Variants in STX8 observed in about 807,000 individuals in gnomAD.
STX8 encodes syntaxin-8.
STX8 carries 23 observed loss-of-function variants against 37.5 expected under a neutral mutation model. That is an observed-to-expected ratio of 0.61 (90% CI 0.44 to 0.87). The LOEUF (loss-of-function observed/expected upper bound fraction) is 0.87. Ranked by LOEUF, STX8 falls within the 40% of genes least tolerant of loss-of-function variation. The pLI, the probability that STX8 is intolerant of heterozygous loss-of-function variation, is 0.00. For synonymous variants in STX8, 115 were observed against 99.1 expected, an observed-to-expected ratio of 1.16 and a Z score of -0.95; for missense variants, 313 against 284.7, an observed-to-expected ratio of 1.10 and a Z score of -0.71.
At chr17:9,323,758 C>T (rs963154122) in intron 7 of STX8, among the ~76,000 whole-genome samples, 7 of 152,156 alleles carry the variant, frequency 4.6e-5, no homozygotes, top group Admixed American at 3.3e-4. Context: ...CTGTCCTGAG[C>T]GTCTTGCTGA....
intron 2 of STX8, among the ~76,000 whole-genome samples, chr17:9,561,170 T>G (rs1462128126): frequency 1.3e-5 from 2 of 152,172 alleles, no homozygotes; most frequent in African/African-American, 4.8e-5. Context: ...GTAAAAGGCC[T>G]TTTTAAGCAT....
At chr17:9,351,208 G>A (rs1597619538) in intron 7 of STX8, among the ~76,000 whole-genome samples, 2 of 125,992 alleles carry the variant, frequency 1.6e-5, no homozygotes. Context: ...TTGAGACGGA[G>A]TCTCACACTG....
At chr17:9,518,557 G>C (rs1318781662) in intron 4 of STX8, among the ~76,000 whole-genome samples, 2 of 152,104 alleles carry the variant, frequency 1.3e-5, no homozygotes, top group Non-Finnish European at 2.9e-5. Context: ...TCTGTGCTAG[G>C]GGCTTCAGGC....
intron 6 of STX8, among the ~76,000 whole-genome samples, chr17:9,392,038 C>A (rs1912240849): frequency 2.0e-5 from 3 of 152,202 alleles, no homozygotes; most frequent in South Asian, 4.1e-4. Flanking sequence ...TGGGACAGAC[C>A]CAAACAGTAC....
At chr17:9,289,775 G>A (rs193217824) in intron 7 of STX8, among the ~76,000 whole-genome samples, 35 of 142,958 alleles carry the variant, frequency 2.4e-4, no homozygotes, top group East Asian at 2.0e-3. Context: ...GCAAGACTCC[G>A]TCTCAAAAAA....
intron 7 of STX8, among the ~76,000 whole-genome samples, chr17:9,303,223 G>A (rs1317953436): frequency 3.3e-5 from 5 of 152,084 alleles, no homozygotes; most frequent in African/African-American, 7.2e-5. Context: ...CCCAGGAGGC[G>A]GAGGTTGCAG....
intron 6 of STX8, among the ~76,000 whole-genome samples, chr17:9,418,389 A>G (rs541300493): frequency 6.6e-6 from 1 of 152,268 alleles, no homozygotes; most frequent in African/African-American, 2.4e-5. Flanking sequence ...TGTGGGATAC[A>G]TCCCCATTAG....
rs374854246 is a variant in STX8 at position 9,254,594 on chromosome 17, C to T, written c.644-3949G>A. On this transcript the variant is annotated intron_variant, in intron 7 of 7. Transcript: ENST00000306357. Reference sequence around the variant, plus strand: ...TATTTTTAGTAGAGACAGGGTTTCACCATGTTGGCCAGGCTGGTCTCGAAC... The same window carrying T: ...TATTTTTAGTAGAGACAGGGTTTCATCATGTTGGCCAGGCTGGTCTCGAAC... 2.6e-5 allele frequency among the ~76,000 whole-genome samples: 4 copies of T among 152,216 alleles called. No homozygotes were observed. The East Asian group carries it at 7.7e-4, about 29-fold the overall frequency.
intron 6 of STX8, among the ~76,000 whole-genome samples, chr17:9,396,122 T>G (rs1912393706): frequency 6.6e-6 from 1 of 152,108 alleles, no homozygotes; most frequent in Non-Finnish European, 1.5e-5. Context: ...AAAAGTAACA[T>G]TTTCCATTAT....
At chr17:9,449,774 C>T (rs1201184906) in intron 6 of STX8, among the ~76,000 whole-genome samples, 3 of 151,816 alleles carry the variant, frequency 2.0e-5, no homozygotes, top group Non-Finnish European at 4.4e-5. Flanking sequence ...GGACAGCAAA[C>T]AAATCAGTGA....
Position 9,439,936 on chromosome 17 carries a change from C to T in STX8, c.541+51893G>A, listed in dbSNP as rs193088453. On this transcript the variant is annotated intron_variant, in intron 6 of 7. Coordinates refer to ENST00000306357, the MANE Select transcript of STX8 (RefSeq NM_004853.3). ...ATTCTCACCCCAAAAGTACCCCCGG[C>T]ATATAGGGAAAATAAAAAGACGCAT... Among the ~76,000 whole-genome samples the T allele has an allele frequency of 1.3e-5, 2 of 152,144 alleles. 1 individual carries two copies. The highest frequency in any genetic ancestry group is 4.8e-5 in the African/African-American group (2 of 41,498).
chr17:9,261,528 A>T (rs933555487), intron 7 of STX8, among the ~76,000 whole-genome samples: 6 of 152,196 alleles, frequency 3.9e-5, no homozygotes, highest in Non-Finnish European at 8.8e-5. Context: ...TGCAGATGAT[A>T]GCCGTTCCTT....
At chr17:9,373,732 G>A (rs1911489539) in intron 7 of STX8, among the ~76,000 whole-genome samples, 1 of 152,136 alleles carries the variant, frequency 6.6e-6, no homozygotes, top group South Asian at 2.1e-4. Flanking sequence ...CCGAGGCTGG[G>A]AGTTTGAGAC....
intron 7 of STX8, among the ~76,000 whole-genome samples, chr17:9,306,593 T>TAAAAAA: frequency 3.2e-5 from 1 of 31,560 alleles, no homozygotes; most frequent in African/African-American, 1.6e-4. Flanking sequence ...CTACTAAAAA[T>TAAAAAA]ACAAAAAAAA....
chr17:9,360,451 G>A (rs923160659), intron 7 of STX8, among the ~76,000 whole-genome samples: 2 of 151,532 alleles, frequency 1.3e-5, no homozygotes, highest in African/African-American at 4.8e-5. Flanking sequence ...GGCCAGGCTG[G>A]TCTCGAACTC....
intron 7 of STX8, among the ~76,000 whole-genome samples, chr17:9,260,771 AC>A (rs1906989511): frequency 6.6e-6 from 1 of 152,100 alleles, no homozygotes; most frequent in African/African-American, 2.4e-5. Context: ...CACCCTCCTC[AC>A]CCTGGAAACT....
intron 6 of STX8, among the ~76,000 whole-genome samples, chr17:9,478,188 T>G (rs1040847550): frequency 1.3e-5 from 2 of 152,160 alleles, no homozygotes; most frequent in Non-Finnish European, 2.9e-5. Context: ...CAGGCTGGAG[T>G]GCAGTGGTGC....
At chr17:9,430,812 G>C (rs1034241355) in intron 6 of STX8, among the ~76,000 whole-genome samples, 1 of 151,956 alleles carries the variant, frequency 6.6e-6, no homozygotes, top group Non-Finnish European at 1.5e-5. Flanking sequence ...ACCATGCCTG[G>C]CTAATTTTTT....
chr17:9,278,159 A>G (rs1183262958), intron 7 of STX8, among the ~76,000 whole-genome samples: 1 of 151,468 alleles, frequency 6.6e-6, no homozygotes, highest in East Asian at 1.9e-4. Context: ...ATTGAAACAT[A>G]CTTTAGGGCC....
Sources: allele counts gnomAD v4.1 joint callset (sites outside exome capture counted in the v4.1 genomes callset), GRCh38; gene constraint gnomAD v4.1.1; transcripts MANE v1.5; gene names NCBI Gene and HGNC (gene_info 2026-07-23, HGNC 2026-07-21).